The following PIKFYVE variants were observed in gnomAD, a reference collection of about 807,000 sequenced individuals.
PIKFYVE encodes phosphoinositide kinase, FYVE-type zinc finger containing.
Under a neutral mutation model 257.9 loss-of-function variants are expected in PIKFYVE, and 122 were observed. That is an observed-to-expected ratio of 0.47 (90% confidence interval 0.41 to 0.55). PIKFYVE has a LOEUF of 0.55. Among genes scored for constraint, PIKFYVE ranks in the 20% least tolerant of loss-of-function variants. The pLI is 0.00. For missense variants in PIKFYVE, 2,160 were observed against 2,536.6 expected, an observed-to-expected ratio of 0.85 and a Z score of 3.19; for synonymous variants, 892 against 868.9, an observed-to-expected ratio of 1.03 and a Z score of -0.47.
intron 13 of PIKFYVE, 62 bp from the exon 14 acceptor site, chr2:208,314,232 A>G (rs1695228474): frequency 1.0e-5 from 16 of 1,552,084 alleles, no homozygotes; most frequent in Non-Finnish European, 1.4e-5. Flanking sequence ...TTCTAAATAT[A>G]TGAGTAGATG....
chr2:208,292,864 A>G (rs1379351684), intron 7 of PIKFYVE, among the ~76,000 whole-genome samples: 1 of 152,028 alleles, frequency 6.6e-6, no homozygotes, highest in African/African-American at 2.4e-5. Flanking sequence ...GATCCATTCT[A>G]ACCATCTCTG....
At chr2:208,304,700 C>T (rs537331473) in intron 11 of PIKFYVE, 146 bp from the exon 12 acceptor site, 29 of 748,716 alleles carry the variant, frequency 3.9e-5, no homozygotes, top group South Asian at 3.7e-4. Context: ...CACAGAAGTA[C>T]ATGAAAATAC....
intron 7 of PIKFYVE, among the ~76,000 whole-genome samples, chr2:208,298,408 A>G (rs574554095): frequency 2.6e-5 from 4 of 151,640 alleles, no homozygotes; most frequent in African/African-American, 9.6e-5. Context: ...AGACACACAT[A>G]GAATTGCAAA....
intron 1 of PIKFYVE, among the ~76,000 whole-genome samples, chr2:208,267,817 C>T (rs1325847109): frequency 1.3e-5 from 2 of 151,948 alleles, no homozygotes; most frequent in East Asian, 3.9e-4. Context: ...CTCCCTCCCT[C>T]GCCCAGGCTG....
chr2:208,349,885 TG>T (rs1699609274), intron 35 of PIKFYVE, 138 bp from the exon 36 acceptor site: 37 of 1,263,206 alleles, frequency 2.9e-5, no homozygotes, highest in Non-Finnish European at 3.8e-5. Context: ...ATCTTATGCT[TG>T]CTTGATAGTG....
intron 21 of PIKFYVE, 121 bp downstream of exon 21, chr2:208,328,401 C>A (rs752616270): frequency 1.8e-5 from 21 of 1,175,498 alleles, no homozygotes; most frequent in Non-Finnish European, 2.3e-5. Context: ...CACTGCTGGT[C>A]ATATATGAAT....
At chr2:208,284,473 C>T (rs1456195972) in intron 5 of PIKFYVE, among the ~76,000 whole-genome samples, 1 of 152,136 alleles carries the variant, frequency 6.6e-6, no homozygotes, top group Non-Finnish European at 1.5e-5. Flanking sequence ...GTTGGCCAGG[C>T]TGGTCTTGGA....
chr2:208,268,323 GT>G (rs1303185040), intron 1 of PIKFYVE, among the ~76,000 whole-genome samples: 1 of 151,774 alleles, frequency 6.6e-6, no homozygotes, highest in Admixed American at 6.6e-5. Flanking sequence ...TAGGCAGAAT[GT>G]CATCTCTGCC....
At chr2:208,303,936 T>C (rs1694026687) in intron 10 of PIKFYVE, among the ~76,000 whole-genome samples, 2 of 152,218 alleles carry the variant, frequency 1.3e-5, no homozygotes, top group African/African-American at 4.8e-5. Flanking sequence ...CAAAAAAATG[T>C]TTTGTTCTTA....
intron 30 of PIKFYVE, 100 bp downstream of exon 30, chr2:208,339,655 T>C: frequency 1.4e-6 from 2 of 1,448,844 alleles, no homozygotes; most frequent in Non-Finnish European, 1.9e-6. Flanking sequence ...AGGACAGATA[T>C]TTGCTTCATA....
At chr2:208,325,196 A>G (rs1696778508) in intron 19 of PIKFYVE, 74 bp from the exon 20 acceptor site, 5 of 1,559,502 alleles carry the variant, frequency 3.2e-6, no homozygotes, top group Middle Eastern at 1.7e-4. Flanking sequence ...ATATTAAGAG[A>G]GTGAATTAAT....
intron 11 of PIKFYVE, 112 bp downstream of exon 11, chr2:208,304,430 C>G: frequency 7.2e-7 from 1 of 1,384,436 alleles, no homozygotes; most frequent in Non-Finnish European, 1.0e-6. Flanking sequence ...ATGGCTCCAA[C>G]TAAATGGAAA....
At chr2:208,322,907 C>T (rs1696445220) in intron 17 of PIKFYVE, among the ~76,000 whole-genome samples, 2 of 132,978 alleles carry the variant, frequency 1.5e-5, no homozygotes, top group Non-Finnish European at 3.1e-5. Flanking sequence ...CAGGTGTTCT[C>T]AATGTTGAAT....
intron 31 of PIKFYVE, among the ~76,000 whole-genome samples, chr2:208,340,647 C>T (rs917030868): frequency 6.6e-6 from 1 of 152,246 alleles, no homozygotes; most frequent in Non-Finnish European, 1.5e-5. Context: ...TCAAATGCTG[C>T]CCTTGTTATG....
chr2:208,291,188 T>G (rs553849599), intron 7 of PIKFYVE, among the ~76,000 whole-genome samples: 3 of 152,286 alleles, frequency 2.0e-5, no homozygotes, highest in Admixed American at 1.3e-4. Context: ...ATTCCTAGTT[T>G]ACTGAGAGTT....
intron 12 of PIKFYVE, among the ~76,000 whole-genome samples, 170 bp from the exon 13 acceptor site, chr2:208,312,066 G>A (rs913920544): frequency 4.6e-5 from 7 of 152,212 alleles, no homozygotes; most frequent in African/African-American, 1.4e-4. Flanking sequence ...CATAGAACAA[G>A]TATAAAGAGG....
intron 15 of PIKFYVE, among the ~76,000 whole-genome samples, chr2:208,317,344 G>T (rs922305564): frequency 2.0e-5 from 3 of 151,816 alleles, no homozygotes; most frequent in African/African-American, 4.8e-5. Flanking sequence ...CTTCTCAAAA[G>T]AAGACATTTA....
intron 7 of PIKFYVE, among the ~76,000 whole-genome samples, chr2:208,297,864 CA>C (rs558105454): frequency 8.0e-5 from 12 of 149,804 alleles, no homozygotes; most frequent in Non-Finnish European, 1.1e-4. Context: ...ACTTCTAAGT[CA>C]TTTGTTTGGT....
chr2:208,310,516 G>T (rs1190075444), intron 12 of PIKFYVE, among the ~76,000 whole-genome samples: 1 of 152,262 alleles, frequency 6.6e-6, no homozygotes. Context: ...TTACAAGCAG[G>T]ATTCTGAACT....
Sources: allele counts gnomAD v4.1 joint callset (sites outside exome capture counted in the v4.1 genomes callset), GRCh38; gene constraint gnomAD v4.1.1; transcripts MANE v1.5; gene names NCBI Gene and HGNC (gene_info 2026-07-23, HGNC 2026-07-21).